The following MAP4K5 variants were observed in gnomAD, a reference collection of about 807,000 sequenced individuals.
MAP4K5 encodes MAPK/ERK kinase kinase kinase 5.
Under a neutral mutation model 135.6 loss-of-function variants are expected in MAP4K5, and 82 were observed. The ratio of observed to expected loss-of-function variants is 0.60; its 90% confidence interval spans 0.51 to 0.73. The LOEUF (loss-of-function observed/expected upper bound fraction) is 0.73, where lower values mean the gene tolerates loss of function less well. Ranked by LOEUF, MAP4K5 falls within the 30% of genes least tolerant of loss-of-function variation. The pLI is 0.00. For synonymous variants in MAP4K5, 347 were observed against 335.0 expected (o/e 1.04, Z -0.39); for missense variants, 907 against 1,010.9 (o/e 0.90, Z 1.39).
chr14:50,555,913 A>G (rs1445935441), intron 1 of MAP4K5, among the ~76,000 whole-genome samples: 1 of 152,186 alleles, frequency 6.6e-6, no homozygotes, highest in Non-Finnish European at 1.5e-5. Context: ...TGAACCATCA[A>G]CTATTGAGAA....
chr14:50,543,673 G>T (rs1027404193), intron 1 of MAP4K5, among the ~76,000 whole-genome samples: 4 of 152,130 alleles, frequency 2.6e-5, no homozygotes, highest in Non-Finnish European at 5.9e-5. Flanking sequence ...TAAGGATGTA[G>T]TATAGGACTC....
chr14:50,541,415 A>C (rs2038558405), intron 2 of MAP4K5, among the ~76,000 whole-genome samples: 1 of 152,198 alleles, frequency 6.6e-6, no homozygotes, highest in Non-Finnish European at 1.5e-5. Context: ...CATTAGTGAC[A>C]TTTCTAACAA....
At chr14:50,554,895 C>A (rs1319124108) in intron 1 of MAP4K5, among the ~76,000 whole-genome samples, 1 of 152,186 alleles carries the variant, frequency 6.6e-6, no homozygotes, top group Non-Finnish European at 1.5e-5. Context: ...CTGGATTTTT[C>A]TCATAACACC....
chr14:50,483,877 T>G (rs1168797569), intron 5 of MAP4K5, among the ~76,000 whole-genome samples: 3 of 131,956 alleles, frequency 2.3e-5, no homozygotes, highest in African/African-American at 8.8e-5. Flanking sequence ...TTTATTTATT[T>G]ATTGAGACAG....
rs1344705919 is a variant in MAP4K5 at position 50,429,271 on chromosome 14, A to C, written c.2165-11T>G. 6.5e-7 allele frequency: 1 copy of C among 1,528,140 alleles called. No individual in the cohort carries two copies. Among genetic ancestry groups the C allele is most frequent in the Non-Finnish European group, 8.9e-7 (1 of 1,125,210 alleles). 94.7% of individuals were successfully genotyped at this position (1,528,140 alleles called of 1,614,324 possible). On this transcript the variant is annotated splice_polypyrimidine_tract_variant and intron_variant, in intron 28 of 32. Transcript: ENST00000682126. ...CTAACTGCTGGCTGCCTTAGGAAGT[A>C]AAAAACAAGGTTACAATTATACTTT...
chr14:50,531,793 C>A, intron 2 of MAP4K5, 149 bp downstream of exon 2: 1 of 687,652 alleles, frequency 1.5e-6, no homozygotes, highest in Non-Finnish European at 2.6e-6. Context: ...CGAGGGTGCT[C>A]AGAACCGAGT....
At chr14:50,459,699 CT>C (rs58066955) in intron 13 of MAP4K5, among the ~76,000 whole-genome samples, 1,762 of 144,048 alleles carry the variant, frequency 0.012, 18 homozygotes, top group South Asian at 0.028. Context: ...CTTTCTTTCT[CT>C]TTTTTTTTTT....
At chr14:50,519,300 G>T (rs770194166) in intron 2 of MAP4K5, among the ~76,000 whole-genome samples, 1 of 151,914 alleles carries the variant, frequency 6.6e-6, no homozygotes, top group Non-Finnish European at 1.5e-5. Context: ...TAAAAGTTGG[G>T]AATGTTTATC....
chr14:50,453,247 C>T (rs1351991111), intron 14 of MAP4K5, among the ~76,000 whole-genome samples: 1 of 150,650 alleles, frequency 6.6e-6, no homozygotes, highest in Non-Finnish European at 1.5e-5. Context: ...GACTCAACCA[C>T]CAATACACTC....
At chr14:50,444,173 G>GT (rs1201833755) in intron 18 of MAP4K5, 137 bp from the exon 19 acceptor site, 1 of 654,174 alleles carries the variant, frequency 1.5e-6, no homozygotes, top group African/African-American at 1.8e-5. Context: ...TCTCAGGTAA[G>GT]TTATCTTTGG....
intron 21 of MAP4K5, among the ~76,000 whole-genome samples, chr14:50,441,348 T>C (rs2036221449): frequency 6.6e-6 from 1 of 152,124 alleles, no homozygotes; most frequent in Non-Finnish European, 1.5e-5. Context: ...TTAACATCAC[T>C]AGTATTTGGA....
At chr14:50,459,999 A>G (rs2036675865) in intron 13 of MAP4K5, among the ~76,000 whole-genome samples, 1 of 152,032 alleles carries the variant, frequency 6.6e-6, no homozygotes, top group African/African-American at 2.4e-5. Context: ...TGTCCAACCC[A>G]GACTGACTTT....
chr14:50,498,213 T>C (rs533899252), intron 3 of MAP4K5, among the ~76,000 whole-genome samples: 4 of 152,178 alleles, frequency 2.6e-5, no homozygotes, highest in South Asian at 4.1e-4. Context: ...TAGGGCACTC[T>C]GGATGTCTAA....
At chr14:50,437,136 C>A (rs2036113089) in intron 26 of MAP4K5, among the ~76,000 whole-genome samples, 1 of 152,002 alleles carries the variant, frequency 6.6e-6, no homozygotes, top group Admixed American at 6.6e-5. Context: ...ATAGTTGGCT[C>A]AACTCCTGTA....
intron 3 of MAP4K5, among the ~76,000 whole-genome samples, chr14:50,490,105 C>CAGAG (rs369706298): frequency 8.0e-6 from 1 of 125,148 alleles, no homozygotes; most frequent in Admixed American, 8.8e-5. Context: ...GAGAGACAGA[C>CAGAG]AGAGAGAGAC....
intron 1 of MAP4K5, among the ~76,000 whole-genome samples, chr14:50,544,185 C>A (rs2038599040): frequency 6.6e-6 from 1 of 152,232 alleles, no homozygotes; most frequent in African/African-American, 2.4e-5. Context: ...GCACTAAGGA[C>A]TTGGATCCTC....
chr14:50,544,820 G>T (rs959434755), intron 1 of MAP4K5, among the ~76,000 whole-genome samples: 1 of 150,882 alleles, frequency 6.6e-6, no homozygotes, highest in Non-Finnish European at 1.5e-5. Context: ...CGCTATAAAT[G>T]CAGCTACTCA....
chr14:50,487,943 A>C (rs565793245), intron 3 of MAP4K5, among the ~76,000 whole-genome samples: 6 of 152,294 alleles, frequency 3.9e-5, no homozygotes, highest in Non-Finnish European at 8.8e-5. Flanking sequence ...TGTTTGAAAA[A>C]ACATGAATTA....
chr14:50,476,268 T>A lies in MAP4K5; in HGVS notation c.417A>T (p.Arg139Ser), dbSNP rs1162120937. 3 of 1,496,362 alleles carry A rather than the reference T, an allele frequency of 2.0e-6. No homozygotes were observed. The highest frequency in any genetic ancestry group is 2.7e-6 in the Non-Finnish European group (3 of 1,117,384). The allele number at this position is 1,496,362 out of a possible 1,614,324, so 92.7% of individuals were successfully genotyped here. Residue 139 changes from arginine to serine, a missense_variant, in exon 7 of 33, where the codon AGA (arginine) becomes AGT (serine). Coordinates refer to ENST00000682126, the MANE Select transcript of MAP4K5 (RefSeq NM_006575.6). Reference sequence around the variant, plus strand: ...TATTAAATGAACTTACTTTGATATCTCTATGCATTTTGCCTTTAGTATGCA... The same window carrying A: ...TATTAAATGAACTTACTTTGATATCACTATGCATTTTGCCTTTAGTATGCA... ...AYLHTKGKMHRDIKGANILLT... is the reference protein window; with the variant it reads ...AYLHTKGKMHSDIKGANILLT...
Sources: gnomAD v4.1 joint callset for allele counts (sites outside exome capture counted in the v4.1 genomes callset) on GRCh38, gnomAD v4.1.1 for gene constraint, MANE v1.5 for transcripts, NCBI Gene and HGNC (gene_info 2026-07-23, HGNC 2026-07-21) for gene names.